The following ADGRL2 variants were observed in gnomAD, a reference collection of about 807,000 sequenced individuals.
The protein encoded by ADGRL2 is calcium-independent alpha-latrotoxin receptor 2.
In ADGRL2, 44 loss-of-function variants were observed where a neutral mutation model predicts 157.4. The observed-to-expected ratio is 0.28, with a 90% confidence interval of 0.22 to 0.36. The LOEUF is 0.36. Among genes scored for constraint, ADGRL2 ranks in the 10% least tolerant of loss-of-function variants. The pLI, the probability that ADGRL2 is intolerant of heterozygous loss-of-function variation, is 1.00. For synonymous variants in ADGRL2, 585 were observed against 624.7 expected (o/e 0.94, Z 0.95); for missense variants, 1,510 against 1,768.9 (o/e 0.85, Z 2.63).
intron 3 of ADGRL2, among the ~76,000 whole-genome samples, chr1:81,647,596 G>A (rs1028370027): frequency 6.6e-6 from 1 of 152,118 alleles, no homozygotes; most frequent in African/African-American, 2.4e-5. Context: ...TTCATGTTTA[G>A]ACTTTGGTCC....
chr1:81,375,493 T>C (rs1256411999), intron 1 of ADGRL2, among the ~76,000 whole-genome samples: 9 of 152,192 alleles, frequency 5.9e-5, no homozygotes. Context: ...GAACTAACTG[T>C]AGCAAGAAAT....
At chr1:81,377,397 C>T (rs925546196) in intron 1 of ADGRL2, among the ~76,000 whole-genome samples, 12 of 152,190 alleles carry the variant, frequency 7.9e-5, no homozygotes, top group Middle Eastern at 3.4e-3. Context: ...CATTATTACC[C>T]TCCTCATCCT....
At chr1:81,837,098 A>T (rs761764543) in intron 2 of ADGRL2, 41 bp downstream of exon 2, 13 of 1,150,232 alleles carry the variant, frequency 1.1e-5, no homozygotes, top group African/African-American at 1.6e-5. Flanking sequence ...ATCCAGGAGA[A>T]CTTGAACTAT....
intron 1 of ADGRL2, chr1:81,414,429 G>A (rs928427068): frequency 6.6e-6 from 1 of 152,232 alleles, no homozygotes; most frequent in Admixed American, 6.5e-5. Context: ...TTAAATTCGT[G>A]TGTTTTCCTC....
At chr1:81,788,070 A>G (rs1222688211) in intron 2 of ADGRL2, among the ~76,000 whole-genome samples, 5 of 152,208 alleles carry the variant, frequency 3.3e-5, no homozygotes, top group South Asian at 2.1e-4. Context: ...GTGATGATAC[A>G]TTTCAATTTC....
At chr1:81,437,232 C>T (rs181451455) in intron 1 of ADGRL2, among the ~76,000 whole-genome samples, 105 of 152,254 alleles carry the variant, frequency 6.9e-4, no homozygotes, top group South Asian at 6.8e-3. Flanking sequence ...TGTCTGCAGT[C>T]TCCTGGAATC....
chr1:81,546,373 G>C (rs2080018933), intron 2 of ADGRL2, among the ~76,000 whole-genome samples: 2 of 152,076 alleles, frequency 1.3e-5, no homozygotes, highest in Non-Finnish European at 2.9e-5. Flanking sequence ...TGAGGTTCTT[G>C]GGTAAAGGTT....
chr1:81,561,891 A>C (rs966821568), intron 2 of ADGRL2, among the ~76,000 whole-genome samples: 2 of 152,226 alleles, frequency 1.3e-5, no homozygotes, highest in Non-Finnish European at 2.9e-5. Context: ...TTAGAAGAGC[A>C]AGATTCTGCT....
At chr1:81,403,047 C>T (rs186118970) in intron 1 of ADGRL2, among the ~76,000 whole-genome samples, 285 of 152,258 alleles carry the variant, frequency 1.9e-3, no homozygotes, top group African/African-American at 6.6e-3. Context: ...AAAACTGTGA[C>T]AAGTGTAGAA....
intron 3 of ADGRL2, among the ~76,000 whole-genome samples, chr1:81,646,156 T>C (rs1418389024): frequency 6.6e-6 from 1 of 152,222 alleles, no homozygotes; most frequent in Non-Finnish European, 1.5e-5. Flanking sequence ...TGCTCTTCCC[T>C]ACAGCTAAGT....
At chr1:81,443,321 C>T (rs1349887311) in intron 1 of ADGRL2, among the ~76,000 whole-genome samples, 1 of 151,878 alleles carries the variant, frequency 6.6e-6, no homozygotes, top group Admixed American at 6.6e-5. Context: ...AATTAGGAGG[C>T]TGAGGCAGGA....
At chr1:81,985,152 C>A in intron 20 of ADGRL2, 107 bp from the exon 21 acceptor site, 1 of 540,134 alleles carries the variant, frequency 1.9e-6, no homozygotes, top group Non-Finnish European at 3.3e-6. Flanking sequence ...AAAAGGCCAC[C>A]AGATAATCCT....
intron 3 of ADGRL2, among the ~76,000 whole-genome samples, chr1:81,631,109 T>C (rs763314539): frequency 5.3e-5 from 8 of 152,270 alleles, no homozygotes; most frequent in Non-Finnish European, 8.8e-5. Flanking sequence ...ACCTTTCCAA[T>C]ATGAGTCCAA....
chr1:81,784,942 G>T (rs1169364494), intron 2 of ADGRL2, among the ~76,000 whole-genome samples: 1 of 152,072 alleles, frequency 6.6e-6, no homozygotes, highest in East Asian at 1.9e-4. Context: ...GAAGTAAAAA[G>T]GGAGAGAAGA....
intron 6 of ADGRL2, among the ~76,000 whole-genome samples, chr1:81,944,414 A>G (rs1282254593): frequency 1.3e-5 from 2 of 152,054 alleles, no homozygotes; most frequent in African/African-American, 4.8e-5. Context: ...TGTGATTTGT[A>G]TTCTCTTTAT....
chr1:81,427,705 A>T (rs1449155870), intron 1 of ADGRL2: 1 of 419,168 alleles, frequency 2.4e-6, no homozygotes, highest in Non-Finnish European at 4.4e-6. Flanking sequence ...TCCCAAATGC[A>T]TTAAAGGAAC....
At chr1:81,443,966 C>T (rs572924750) in intron 1 of ADGRL2, among the ~76,000 whole-genome samples, 1 of 152,070 alleles carries the variant, frequency 6.6e-6, no homozygotes, top group Non-Finnish European at 1.5e-5. Flanking sequence ...GTGGGATGAT[C>T]TGAAGTACTC....
chr1:81,677,253 G>T (rs2148939657), intron 3 of ADGRL2, among the ~76,000 whole-genome samples: 1 of 152,272 alleles, frequency 6.6e-6, no homozygotes, highest in Admixed American at 6.5e-5. Flanking sequence ...CCAAAGTGCT[G>T]GGATTATAGG....
At chr1:81,987,971 C>T in intron 23 of ADGRL2, 85 bp downstream of exon 23, 1 of 287,934 alleles carries the variant, frequency 3.5e-6, no homozygotes, top group Non-Finnish European at 7.3e-6. Context: ...ACATAACTAG[C>T]AGTCATGAAG....
Sources: allele counts gnomAD v4.1 joint callset (sites outside exome capture counted in the v4.1 genomes callset), GRCh38; gene constraint gnomAD v4.1.1; transcripts MANE v1.5; gene names NCBI Gene and HGNC (gene_info 2026-07-23, HGNC 2026-07-21).